The following SHISA9 variants were observed in gnomAD, a reference collection of about 807,000 sequenced individuals.
The protein encoded by SHISA9 is shisa family member 9.
Under a neutral mutation model 38.0 loss-of-function variants are expected in SHISA9, and 13 were observed. The observed-to-expected ratio is 0.34, with a 90% CI of 0.22 to 0.54. The LOEUF (loss-of-function observed/expected upper bound fraction) is 0.54. SHISA9 is among the 20% of genes least tolerant of loss of function. SHISA9 has a pLI of 0.91. For synonymous variants in SHISA9, 275 were observed against 242.0 expected, an observed-to-expected ratio of 1.14 and a Z score of -1.27; for missense variants, 538 against 575.8, an observed-to-expected ratio of 0.93 and a Z score of 0.67.
rs564253282 is a variant in SHISA9, at chr16:13,191,753, T to C, written c.692-11641T>C. On this transcript the variant is annotated intron_variant, in intron 2 of 4. Coordinates refer to ENST00000558583, the MANE Select transcript of SHISA9 (RefSeq NM_001145204.3). ...ATGGCTGAGGCCACATCATAGGGTA[T>C]AGAAGGTGTGTTGCAAACAGTGGAG... 4.3e-4 allele frequency among the ~76,000 whole-genome samples: 66 copies of C among 152,150 alleles called. 1 individual carries two copies. The highest frequency in any genetic ancestry group is 8.4e-4 in the Non-Finnish European group (57 of 68,032).
At chr16:13,172,288 A>C (rs1026238769) in intron 2 of SHISA9, among the ~76,000 whole-genome samples, 1 of 152,220 alleles carries the variant, frequency 6.6e-6, no homozygotes, top group Non-Finnish European at 1.5e-5. Context: ...TAAGATGCCT[A>C]GGGGATTGGA....
Position 12,911,252 on chromosome 16 carries a change from G to T in SHISA9, c.564-5436G>T, listed in dbSNP as rs955835311. On this transcript the variant is annotated intron_variant, in intron 1 of 4. Coordinates refer to ENST00000558583, the MANE Select transcript of SHISA9 (RefSeq NM_001145204.3). ...AACAAGATCCCCAGGTGATCTGGAT[G>T]CACCGTAACATCTGAGAAGCACTCA... 13 of 984,834 alleles carry T rather than the reference G, an allele frequency of 1.3e-5. No individual in the cohort carries two copies. In the Admixed American group the frequency reaches 2.5e-4, roughly 19 times the overall value. The allele number at this position is 984,834 out of a possible 1,614,324, so 61.0% of individuals were successfully genotyped here. A position where few individuals can be genotyped will look rare whatever the true frequency, so the allele number is the denominator to read the frequency against.
At chr16:13,219,842 C>T (rs553241335) in intron 4 of SHISA9, among the ~76,000 whole-genome samples, 1 of 152,284 alleles carries the variant, frequency 6.6e-6, no homozygotes, top group South Asian at 2.1e-4. Flanking sequence ...CCTGTAATCT[C>T]AGCTACTCAG....
chr16:13,286,598 G>A, the SHISA9 span, among the ~76,000 whole-genome samples: 153 of 152,278 alleles, frequency 1.0e-3, 6 homozygotes, highest in East Asian at 0.025. Context: ...GGGAAAAAAA[G>A]TAACAAGAAG....
At chr16:13,113,330 G>T (rs747426150) in intron 2 of SHISA9, among the ~76,000 whole-genome samples, 3 of 152,132 alleles carry the variant, frequency 2.0e-5, no homozygotes, top group Non-Finnish European at 4.4e-5. Context: ...CCCTCAAGGG[G>T]CCAGTCACAG....
the SHISA9 span, among the ~76,000 whole-genome samples, chr16:13,392,653 C>A: frequency 6.6e-6 from 1 of 152,164 alleles, no homozygotes; most frequent in South Asian, 2.1e-4. Context: ...AGTCCCAACA[C>A]CCACTGCGTT....
the SHISA9 span, among the ~76,000 whole-genome samples, chr16:13,516,374 C>G: frequency 6.6e-6 from 1 of 152,136 alleles, no homozygotes; most frequent in Non-Finnish European, 1.5e-5. Flanking sequence ...AAGATTGAAA[C>G]CACATTTTTG....
chr16:13,408,160 A>G, the SHISA9 span, among the ~76,000 whole-genome samples: 1 of 152,180 alleles, frequency 6.6e-6, no homozygotes, highest in Non-Finnish European at 1.5e-5. Context: ...GAAGTCTTAT[A>G]TGAGGAAGAA....
chr16:13,042,302 C>T (rs944345160), intron 2 of SHISA9, among the ~76,000 whole-genome samples: 3 of 152,160 alleles, frequency 2.0e-5, no homozygotes, highest in South Asian at 4.1e-4. Flanking sequence ...TGAAACCATG[C>T]TTGTGGCTTC....
intron 2 of SHISA9, among the ~76,000 whole-genome samples, chr16:13,059,946 C>G (rs1306551267): frequency 6.6e-6 from 1 of 152,180 alleles, no homozygotes; most frequent in Non-Finnish European, 1.5e-5. Flanking sequence ...AACCGTGAGA[C>G]AATAGATTTC....
the SHISA9 span, among the ~76,000 whole-genome samples, chr16:13,359,489 A>T: frequency 6.6e-6 from 1 of 152,134 alleles, no homozygotes; most frequent in African/African-American, 2.4e-5. Flanking sequence ...TCTCAGAAAA[A>T]TAAATAAATA....
chr16:13,291,624 G>A, the SHISA9 span, among the ~76,000 whole-genome samples: 3 of 152,234 alleles, frequency 2.0e-5, no homozygotes, highest in African/African-American at 4.8e-5. Flanking sequence ...ATATGCATGC[G>A]TGTATGTTCT....
the SHISA9 span, among the ~76,000 whole-genome samples, chr16:13,408,459 A>G: frequency 6.6e-6 from 1 of 152,210 alleles, no homozygotes; most frequent in Non-Finnish European, 1.5e-5. Context: ...CTGTCTTCAT[A>G]TGACAATAAT....
At chr16:13,137,111 T>A (rs535668464) in intron 2 of SHISA9, among the ~76,000 whole-genome samples, 1 of 152,306 alleles carries the variant, frequency 6.6e-6, no homozygotes, top group South Asian at 2.1e-4. Context: ...TTCAAGCCTG[T>A]CTCAGCTTGT....
At chr16:13,001,274 A>C (rs762740780) in intron 2 of SHISA9, among the ~76,000 whole-genome samples, 1 of 152,218 alleles carries the variant, frequency 6.6e-6, no homozygotes, top group Admixed American at 6.5e-5. Flanking sequence ...CTTGTGGCAC[A>C]GACTCCAGAT....
At chr16:12,925,978 G>A (rs556753195) in intron 2 of SHISA9, among the ~76,000 whole-genome samples, 11 of 152,008 alleles carry the variant, frequency 7.2e-5, no homozygotes, top group South Asian at 2.1e-4. Context: ...CACCTGCCTC[G>A]GCCTCCCAAA....
the SHISA9 span, among the ~76,000 whole-genome samples, chr16:13,444,728 A>G: frequency 4.6e-5 from 7 of 151,790 alleles, no homozygotes; most frequent in South Asian, 1.5e-3. Flanking sequence ...ATTCAGTGCC[A>G]CCATGTCTCC....
chr16:12,977,207 G>A (rs2072175220), intron 2 of SHISA9, among the ~76,000 whole-genome samples: 1 of 152,124 alleles, frequency 6.6e-6, no homozygotes, highest in Non-Finnish European at 1.5e-5. Context: ...GTTCCTGGGT[G>A]GATAATCCTA....
chr16:13,331,856 A>C, the SHISA9 span: 2 of 152,100 alleles, frequency 1.3e-5, no homozygotes, highest in Non-Finnish European at 2.9e-5. Context: ...TGTTGGGATG[A>C]TTGCATGGTA....
Sources: gnomAD v4.1 joint callset for allele counts (sites outside exome capture counted in the v4.1 genomes callset) on GRCh38, gnomAD v4.1.1 for gene constraint, MANE v1.5 for transcripts, NCBI Gene and HGNC (gene_info 2026-07-23, HGNC 2026-07-21) for gene names.